Variants in EVI5 observed in about 807,000 individuals in gnomAD.
EVI5 encodes the protein ecotropic viral integration site 5 protein homolog.
A neutral mutation model predicts 112.0 loss-of-function variants in EVI5; 73 were observed. The ratio of observed to expected loss-of-function variants is 0.65; its 90% confidence interval spans 0.54 to 0.79. The LOEUF is 0.79. Ranked by LOEUF, EVI5 falls within the 30% of genes least tolerant of loss-of-function variation. The pLI, the probability that EVI5 is intolerant of heterozygous loss-of-function variation, is 0.00. For missense variants in EVI5, 900 were observed against 968.8 expected (o/e 0.93, Z 0.94); for synonymous variants, 305 against 319.9 (o/e 0.95, Z 0.50).
intron 1 of EVI5, chr1:92,749,427 C>T (rs978871302): frequency 1.3e-5 from 2 of 156,966 alleles, no homozygotes; most frequent in Non-Finnish European, 2.8e-5. Context: ...TACTCTAGCA[C>T]ATCTTTAATA....
At chr1:92,649,625 C>T (rs1441155141) in intron 13 of EVI5, among the ~76,000 whole-genome samples, 2 of 152,004 alleles carry the variant, frequency 1.3e-5, no homozygotes, top group African/African-American at 4.8e-5. Flanking sequence ...CCAGCCTGGG[C>T]AACATGGCAA....
chr1:92,661,663 T>C (rs955113623), intron 13 of EVI5, among the ~76,000 whole-genome samples: 8 of 152,118 alleles, frequency 5.3e-5, no homozygotes, highest in African/African-American at 1.7e-4. Context: ...GTCACTCTCC[T>C]ATTCATTTTT....
chr1:92,766,139 T>TA (rs1558227226), intron 1 of EVI5, among the ~76,000 whole-genome samples: 9 of 137,258 alleles, frequency 6.6e-5, no homozygotes, highest in African/African-American at 1.7e-4. Flanking sequence ...TAATAATAAT[T>TA]AATAAAATAT....
intron 1 of EVI5, among the ~76,000 whole-genome samples, chr1:92,780,787 T>A (rs1183700491): frequency 6.6e-6 from 1 of 151,408 alleles, no homozygotes; most frequent in African/African-American, 2.4e-5. Flanking sequence ...CAGGTGGAGA[T>A]CATGTTACTG....
At chr1:92,764,579 A>C (rs1269114391) in intron 1 of EVI5, among the ~76,000 whole-genome samples, 1 of 152,220 alleles carries the variant, frequency 6.6e-6, no homozygotes, top group African/African-American at 2.4e-5. Flanking sequence ...AAGATATCCA[A>C]AACTGTACAA....
chr1:92,604,085 C>T (rs1649805273), intron 18 of EVI5, among the ~76,000 whole-genome samples: 1 of 151,924 alleles, frequency 6.6e-6, no homozygotes, highest in Non-Finnish European at 1.5e-5. Flanking sequence ...CGCAGTGGCT[C>T]ATGCTTGTAA....
chr1:92,694,347 C>T lies in EVI5; in HGVS notation c.951G>A (p.Gln317=). The T allele has an allele frequency of 6.2e-7, 1 of 1,607,446 alleles. No homozygotes were observed. Among genetic ancestry groups the T allele is most frequent in the Non-Finnish European group, 8.5e-7 (1 of 1,174,938 alleles). Residue 317 remains glutamine, a synonymous_variant, in exon 8 of 20, where the codon CAG becomes CAA. Coordinates refer to ENST00000684568, the MANE Select transcript of EVI5 (RefSeq NM_001350197.2). ...GTTGCATCAGTTCTGCCTGATTCAT[C>T]TGAAGAAGTGCTAATCCTACACGAA... is the stretch of plus-strand genomic sequence containing the variant. ...IVFRVGLALL[Q]MNQAELMQLD... is the part of the protein sequence containing the mutation.
intron 5 of EVI5, chr1:92,700,789 A>C (rs1671023423): frequency 6.6e-6 from 1 of 152,216 alleles, no homozygotes; most frequent in Non-Finnish European, 1.5e-5. Context: ...AGCAGCAAAA[A>C]TCACTAGACT....
intron 1 of EVI5, among the ~76,000 whole-genome samples, chr1:92,747,917 C>G (rs1230867766): frequency 6.6e-6 from 1 of 152,036 alleles, no homozygotes; most frequent in African/African-American, 2.4e-5. Context: ...GCACTTCAAG[C>G]ACTTGGATCT....
intron 1 of EVI5, among the ~76,000 whole-genome samples, chr1:92,744,263 T>A (rs907863907): frequency 6.6e-6 from 1 of 152,214 alleles, no homozygotes; most frequent in Non-Finnish European, 1.5e-5. Context: ...CATATGAGTT[T>A]GAGAAAAATG....
intron 10 of EVI5, among the ~76,000 whole-genome samples, chr1:92,671,201 G>A (rs1665824067): frequency 6.6e-6 from 1 of 151,992 alleles, no homozygotes; most frequent in Non-Finnish European, 1.5e-5. Context: ...TCGTTTCTAG[G>A]ATAAATTATA....
At chr1:92,553,781 A>G (rs1667320895) in intron 19 of EVI5, among the ~76,000 whole-genome samples, 1 of 152,216 alleles carries the variant, frequency 6.6e-6, no homozygotes. Flanking sequence ...TATGTTATAC[A>G]TTCTTTTAAA....
intron 9 of EVI5, among the ~76,000 whole-genome samples, chr1:92,687,410 A>C (rs1275702336): frequency 6.6e-6 from 1 of 152,186 alleles, no homozygotes; most frequent in East Asian, 1.9e-4. Flanking sequence ...TAAAGACTTA[A>C]ATGTTAGACC....
At chr1:92,645,532 T>C (rs543672391) in intron 13 of EVI5, among the ~76,000 whole-genome samples, 86 of 152,312 alleles carry the variant, frequency 5.6e-4, no homozygotes, top group Non-Finnish European at 9.7e-4. Context: ...CTGTAATTTC[T>C]AATCTTTGCA....
At chr1:92,514,181 T>C (rs1659512467) in intron 19 of EVI5, among the ~76,000 whole-genome samples, 1 of 152,190 alleles carries the variant, frequency 6.6e-6, no homozygotes, top group Non-Finnish European at 1.5e-5. Flanking sequence ...CAGGTCTCAG[T>C]CTCACTTTGT....
chr1:92,685,795 A>G (rs1461414002), intron 9 of EVI5, among the ~76,000 whole-genome samples: 1 of 152,234 alleles, frequency 6.6e-6, no homozygotes, highest in Non-Finnish European at 1.5e-5. Context: ...TAGAAAATCT[A>G]GAAGAAATGG....
intron 9 of EVI5, among the ~76,000 whole-genome samples, chr1:92,690,368 A>G (rs1320274480): frequency 3.4e-5 from 5 of 144,956 alleles, no homozygotes; most frequent in African/African-American, 1.3e-4. Flanking sequence ...TTTTTTTTGG[A>G]GACAGGGTCT....
At chr1:92,577,963 G>C (rs1671336649) in intron 18 of EVI5, among the ~76,000 whole-genome samples, 1 of 152,060 alleles carries the variant, frequency 6.6e-6, no homozygotes, top group African/African-American at 2.4e-5. Context: ...AGATGCTTTT[G>C]TTTAGTGCAA....
At chr1:92,702,072 G>T in intron 5 of EVI5, 69 bp downstream of exon 5, 2 of 748,112 alleles carry the variant, frequency 2.7e-6, no homozygotes, top group Non-Finnish European at 2.2e-6. Context: ...AAACAAAGAT[G>T]CTTTTTAAAC....
Sources: gnomAD v4.1 joint callset for allele counts (sites outside exome capture counted in the v4.1 genomes callset) on GRCh38, gnomAD v4.1.1 for gene constraint, MANE v1.5 for transcripts, NCBI Gene and HGNC (gene_info 2026-07-23, HGNC 2026-07-21) for gene names.